The following TXNDC11 variants were observed in gnomAD, a reference collection of about 807,000 sequenced individuals.
The protein encoded by TXNDC11 is thioredoxin domain-containing protein 11.
In TXNDC11, 68 loss-of-function variants were observed where a neutral mutation model predicts 78.0. That is an observed-to-expected ratio of 0.87 (90% CI 0.72 to 1.07). TXNDC11 has a LOEUF of 1.07. Among genes scored for constraint, TXNDC11 ranks in the 50% least tolerant of loss-of-function variants. The pLI is 0.00. For synonymous variants in TXNDC11, 571 were observed against 495.2 expected, an observed-to-expected ratio of 1.15 and a Z score of -2.03; for missense variants, 1,389 against 1,221.8, an observed-to-expected ratio of 1.14 and a Z score of -2.04.
At chr16:11,680,141 G>A (rs564186770) in intron 11 of TXNDC11, among the ~76,000 whole-genome samples, 1 of 152,214 alleles carries the variant, frequency 6.6e-6, no homozygotes, top group Non-Finnish European at 1.5e-5. Context: ...AGTGATGCAG[G>A]GCCCCAGGAG....
At position 11,691,428 on chromosome 16, in the gene TXNDC11, T is replaced by G; in HGVS notation, c.1762A>C (p.Asn588His). ...CTCTCTGCATATAACCAAAACAAATTTGAATCCAAAAGGTAGATGTTGAGA... is the reference window on the plus strand; with the variant it reads ...CTCTCTGCATATAACCAAAACAAATGTGAATCCAAAAGGTAGATGTTGAGA... ...KTLNIYLLDS[N>H]LFWLYAERLG... The change falls in exon 8 of 12, where the codon AAT becomes CAT. Residue 588 changes from asparagine (N) to histidine (H), a missense_variant. Physicochemically the swap from Asn to His is moderately conservative, Grantham distance 68. Transcript: ENST00000283033. 6 of 1,614,192 alleles carry G rather than the reference T, an allele frequency of 3.7e-6. No homozygotes were observed. Among genetic ancestry groups the G allele is most frequent in the Non-Finnish European group, 5.1e-6 (6 of 1,180,030 alleles).
chr16:11,716,762 A>C (rs2051537897), intron 5 of TXNDC11, among the ~76,000 whole-genome samples: 1 of 152,226 alleles, frequency 6.6e-6, no homozygotes, highest in South Asian at 2.1e-4. Flanking sequence ...GATGGACATA[A>C]AAGAATATTC....
intron 6 of TXNDC11, among the ~76,000 whole-genome samples, chr16:11,699,952 C>T (rs539415873): frequency 5.9e-5 from 9 of 152,248 alleles, no homozygotes; most frequent in Admixed American, 3.3e-4. Flanking sequence ...GGAACAAAGG[C>T]GACAATGGAA....
chr16:11,741,522 C>T (rs1047361162), intron 1 of TXNDC11, among the ~76,000 whole-genome samples: 45 of 152,212 alleles, frequency 3.0e-4, no homozygotes, highest in Non-Finnish European at 1.5e-4. Context: ...CGTGGACACG[C>T]TCCCCCGGGA....
intron 5 of TXNDC11, among the ~76,000 whole-genome samples, chr16:11,720,849 C>A (rs1300340188): frequency 6.6e-6 from 1 of 151,774 alleles, no homozygotes; most frequent in East Asian, 2.0e-4. Flanking sequence ...TGAAGCAAGT[C>A]TCCCACCTCA....
In TXNDC11 at chr16:11,684,167, G is replaced by A. The variant is rs1016369971; in HGVS notation, c.2232C>T (p.Asn744=). 3 of 1,613,296 alleles carry A rather than the reference G, an allele frequency of 1.9e-6. No homozygotes were observed. The East Asian group carries it at 6.7e-5, about 36-fold the overall frequency. Reference sequence around the variant, plus strand: ...CAGTGACAAAAATTTGGCATTACCTGTTGCAGGGAAAAAACAAGACAGTAG... The same window carrying A: ...CAGTGACAAAAATTTGGCATTACCTATTGCAGGGAAAAAACAAGACAGTAG... ...RLPTVLFFPC[N]RKDLSVKYPE... Residue 744 remains asparagine (N), a splice_region_variant and synonymous_variant, in exon 11 of 12, where the codon AAC becomes AAT. Coordinates refer to ENST00000283033, the MANE Select transcript of TXNDC11 (RefSeq NM_015914.7).
intron 5 of TXNDC11, chr16:11,703,799 G>C (rs950432267): frequency 4.3e-6 from 3 of 695,442 alleles, no homozygotes; most frequent in Admixed American, 4.0e-5. Context: ...TGTATCAGAA[G>C]TAAAGAAGTG....
At chr16:11,709,423 ATTTTTTTTTTT>A (rs149701958) in intron 5 of TXNDC11, among the ~76,000 whole-genome samples, 45 of 55,572 alleles carry the variant, frequency 8.1e-4, no homozygotes, top group Middle Eastern at 0.016. Context: ...AATTTTTTGT[ATTTTTTTTTTT>A]TTTTTTTTTT....
chr16:11,688,330 G>A lies in TXNDC11; in HGVS notation c.2016C>T (p.Thr672=). 6.2e-7 allele frequency: 1 copy of A among 1,614,012 alleles called. No individual in the cohort carries two copies. Among genetic ancestry groups the A allele is most frequent in the African/African-American group, 1.3e-5 (1 of 75,006 alleles). ...GTTTTTGAAGGACTACTTCCCAAAAGGTATCAGTTGTCACTTCAGTGATTA... is the reference window on the plus strand; with the variant it reads ...GTTTTTGAAGGACTACTTCCCAAAAAGTATCAGTTGTCACTTCAGTGATTA... The part of the protein sequence containing the change: ...QHLITEVTTD[T]FWEVVLQKQD... Residue 672 remains threonine, a synonymous_variant, in exon 9 of 12, where the codon ACC becomes ACT. Transcript: ENST00000283033.
At chr16:11,682,973 A>G (rs1337837382) in intron 11 of TXNDC11, among the ~76,000 whole-genome samples, 3 of 152,212 alleles carry the variant, frequency 2.0e-5, no homozygotes, top group Non-Finnish European at 4.4e-5. Context: ...CAGGAAATTA[A>G]AACAGCAAAC....
At chr16:11,684,439 G>A (rs966340962) in intron 10 of TXNDC11, among the ~76,000 whole-genome samples, 194 bp from the exon 11 acceptor site, 1 of 152,124 alleles carries the variant, frequency 6.6e-6, no homozygotes, top group African/African-American at 2.4e-5. Context: ...TCTACTACGT[G>A]GACGCTTTCC....
chr16:11,725,898 T>C (rs2051862396), intron 4 of TXNDC11, among the ~76,000 whole-genome samples: 1 of 152,156 alleles, frequency 6.6e-6, no homozygotes, highest in African/African-American at 2.4e-5. Context: ...TGTTTTGAGA[T>C]GGAGTCTCAC....
Position 11,742,652 on chromosome 16 carries a change from GGCC to G in TXNDC11, c.76_78del (p.Gly26del). On this transcript the variant is annotated inframe_deletion, in exon 1 of 12. Coordinates refer to ENST00000283033, the MANE Select transcript of TXNDC11 (RefSeq NM_015914.7). ...GAGCTGAGGCAGTCTGAGCCCGCGG[GGCC>G]GCCGCCGCCCCCTCCCTCGTCCTCG... 2.7e-6 allele frequency: 4 copies of G among 1,457,910 alleles called. No homozygotes were observed. The highest frequency in any genetic ancestry group is 3.0e-5 in the East Asian group (1 of 33,156). 90.3% of individuals were successfully genotyped at this position (1,457,910 alleles called of 1,614,324 possible).
At chr16:11,735,693 G>A (rs534008115) in intron 2 of TXNDC11, among the ~76,000 whole-genome samples, 2 of 152,228 alleles carry the variant, frequency 1.3e-5, no homozygotes, top group East Asian at 3.9e-4. Flanking sequence ...TACCTAACTA[G>A]CAAGTATCAA....
intron 1 of TXNDC11, among the ~76,000 whole-genome samples, chr16:11,739,301 C>A (rs1266071112): frequency 6.6e-6 from 1 of 152,092 alleles, no homozygotes; most frequent in African/African-American, 2.4e-5. Flanking sequence ...ATACATAGAG[C>A]AAAGATTTCC....
In TXNDC11 at chr16:11,742,324, G is replaced by A. The variant is rs144317441; in HGVS notation, c.254+153C>T. On this transcript the variant is annotated intron_variant, in intron 1 of 11. Transcript: ENST00000283033. Reference sequence around the variant, plus strand: ...GGCCGGGGCGAGGAGAAGGTGGGAAGCCGTGGCCGCAGGTTCCGGGAGGGG... The same window carrying A: ...GGCCGGGGCGAGGAGAAGGTGGGAAACCGTGGCCGCAGGTTCCGGGAGGGG... 5.0e-4 allele frequency: 273 copies of A among 545,952 alleles called. No individual in the cohort carries two copies. In the African/African-American group the frequency reaches 5.1e-3, roughly 10 times the overall value. 33.8% of individuals were successfully genotyped at this position (545,952 alleles called of 1,614,324 possible).
chr16:11,687,644 A>G (rs999499258), intron 10 of TXNDC11, among the ~76,000 whole-genome samples: 5 of 152,206 alleles, frequency 3.3e-5, no homozygotes, highest in African/African-American at 7.2e-5. Flanking sequence ...AGGGCTAAAC[A>G]TCAACATCAT....
chr16:11,716,704 A>C (rs2051536816), intron 5 of TXNDC11, among the ~76,000 whole-genome samples: 1 of 152,238 alleles, frequency 6.6e-6, no homozygotes, highest in South Asian at 2.1e-4. Context: ...TCTTCAAGTC[A>C]ATTTATATAT....
chr16:11,730,462 T>C (rs1011180294), intron 4 of TXNDC11, among the ~76,000 whole-genome samples, 183 bp downstream of exon 4: 2 of 152,236 alleles, frequency 1.3e-5, no homozygotes, highest in Non-Finnish European at 2.9e-5. Flanking sequence ...CTTAAAACTC[T>C]CTTGGACAAA....
Sources: gnomAD v4.1 joint callset for allele counts (sites outside exome capture counted in the v4.1 genomes callset) on GRCh38, gnomAD v4.1.1 for gene constraint, MANE v1.5 for transcripts, NCBI Gene and HGNC (gene_info 2026-07-23, HGNC 2026-07-21) for gene names.